STK3: variants seen among roughly 807,000 people sequenced by gnomAD.
STK3 encodes the protein serine/threonine-protein kinase 3.
Under a neutral mutation model 58.0 loss-of-function variants are expected in STK3, and 41 were observed. The ratio of observed to expected loss-of-function variants is 0.71; its 90% CI spans 0.55 to 0.92. The LOEUF (loss-of-function observed/expected upper bound fraction) is 0.92, where lower values mean the gene tolerates loss of function less well. Among genes scored for constraint, STK3 ranks in the 40% least tolerant of loss-of-function variants. The pLI is 0.00. For synonymous variants in STK3, 170 were observed against 191.0 expected, an observed-to-expected ratio of 0.89 and a Z score of 0.91; for missense variants, 479 against 602.7, an observed-to-expected ratio of 0.79 and a Z score of 2.15.
At chr8:98,614,763 C>T (rs1040663034) in intron 6 of STK3, among the ~76,000 whole-genome samples, 3 of 152,194 alleles carry the variant, frequency 2.0e-5, no homozygotes, top group Non-Finnish European at 2.9e-5. Flanking sequence ...GCTTAAAAAA[C>T]GGCGCACCAC....
intron 3 of STK3, among the ~76,000 whole-genome samples, chr8:98,840,804 G>A (rs560174011): frequency 6.6e-6 from 1 of 151,940 alleles, no homozygotes; most frequent in African/African-American, 2.4e-5. Flanking sequence ...GGACCCTTCA[G>A]TTCAGGGCCT....
chr8:98,419,159 G>A (rs1297421004), intron 3 of STK3, among the ~76,000 whole-genome samples: 2 of 152,138 alleles, frequency 1.3e-5, no homozygotes, highest in African/African-American at 2.4e-5. Flanking sequence ...CCAGGAGTTC[G>A]AGACCAGCCT....
At chr8:98,492,089 G>A (rs905297344) in intron 10 of STK3, among the ~76,000 whole-genome samples, 7 of 152,164 alleles carry the variant, frequency 4.6e-5, no homozygotes, top group African/African-American at 1.7e-4. Context: ...GGTGAAATCA[G>A]TACATCATTC....
At chr8:98,745,729 G>A (rs542430263) in intron 4 of STK3, among the ~76,000 whole-genome samples, 6 of 151,964 alleles carry the variant, frequency 3.9e-5, no homozygotes, top group Admixed American at 6.6e-5. Context: ...AAAACCTACC[G>A]AGAAACTGAG....
intron 1 of STK3, among the ~76,000 whole-genome samples, chr8:98,439,683 A>G (rs1818621938): frequency 6.6e-6 from 1 of 152,222 alleles, no homozygotes; most frequent in Non-Finnish European, 1.5e-5. Flanking sequence ...GTATTACTTT[A>G]TACTAGTTAG....
chr8:98,659,862 T>TA (rs1416607615), intron 6 of STK3, among the ~76,000 whole-genome samples: 1 of 151,184 alleles, frequency 6.6e-6, no homozygotes, highest in Admixed American at 6.6e-5. Context: ...GGAAGTAGCT[T>TA]AAAAAAACAA....
chr8:98,731,461 T>G (rs906401210), intron 4 of STK3, among the ~76,000 whole-genome samples: 1 of 152,172 alleles, frequency 6.6e-6, no homozygotes, highest in African/African-American at 2.4e-5. Context: ...GGCTCACGCC[T>G]GCAATCCTAG....
At position 98,500,268 on chromosome 8, in the gene STK3, T is replaced by C. The variant is rs563224455; in HGVS notation, c.1317+26474A>G. ...AAAAAGAAGGCTGGTGTGGTGGCTT[T>C]TACCTGTAATCCCAGCACTTTGGGA... On this transcript the variant is annotated intron_variant, in intron 10 of 10. Coordinates refer to ENST00000419617, the MANE Select transcript of STK3 (RefSeq NM_006281.4). Among the ~76,000 whole-genome samples the C allele has an allele frequency of 4.6e-5, 7 of 152,220 alleles. No homozygotes were observed. The South Asian group carries it at 1.5e-3, about 32-fold the overall frequency.
At chr8:98,884,839 G>A (rs1837920606) in intron 1 of STK3, among the ~76,000 whole-genome samples, 2 of 152,262 alleles carry the variant, frequency 1.3e-5, no homozygotes, top group South Asian at 4.2e-4. Flanking sequence ...ACCTAAAATA[G>A]TGTTTAGCAC....
intron 10 of STK3, among the ~76,000 whole-genome samples, chr8:98,487,175 A>C (rs774568749): frequency 1.3e-5 from 2 of 152,234 alleles, no homozygotes; most frequent in South Asian, 4.1e-4. Context: ...TCTGAGTCTC[A>C]TAAGTTCACT....
chr8:98,364,452 T>C, the STK3 span, among the ~76,000 whole-genome samples: 1 of 152,196 alleles, frequency 6.6e-6, no homozygotes, highest in African/African-American at 2.4e-5. Flanking sequence ...TGCCAGTCTG[T>C]TTCCCCGGAG....
At chr8:98,809,427 G>A (rs1049702429) in intron 1 of STK3, among the ~76,000 whole-genome samples, 1 of 152,198 alleles carries the variant, frequency 6.6e-6, no homozygotes, top group African/African-American at 2.4e-5. Context: ...TGTATTTGGT[G>A]TCAGAAGTCT....
At chr8:98,696,525 C>T (rs1234154594) in intron 6 of STK3, among the ~76,000 whole-genome samples, 10 of 152,076 alleles carry the variant, frequency 6.6e-5, no homozygotes, top group Middle Eastern at 3.4e-3. Flanking sequence ...TTTTGAGATA[C>T]GTCCCATCAA....
chr8:98,852,232 G>C (rs558926800), intron 3 of STK3, among the ~76,000 whole-genome samples: 1 of 151,924 alleles, frequency 6.6e-6, no homozygotes, highest in East Asian at 1.9e-4. Context: ...CCGCCTCCCA[G>C]GTTCAAGCAA....
At chr8:98,905,001 T>TAGTA (rs1377097102) in intron 1 of STK3, 19 of 768,288 alleles carry the variant, frequency 2.5e-5, no homozygotes, top group Non-Finnish European at 3.6e-5. Flanking sequence ...GTATCGCTTA[T>TAGTA]AGTAGTGGAG....
chr8:98,458,756 A>C (rs1431889170), intron 10 of STK3, among the ~76,000 whole-genome samples: 1 of 151,968 alleles, frequency 6.6e-6, no homozygotes, highest in Non-Finnish European at 1.5e-5. Flanking sequence ...TCCTTCTTCA[A>C]TCTCACTCTG....
intron 10 of STK3, 183 bp downstream of exon 10, chr8:98,526,559 T>C: frequency 2.3e-6 from 1 of 428,484 alleles, no homozygotes; most frequent in Non-Finnish European, 3.8e-6. Context: ...AGTACATTTC[T>C]ATAAGCAAGC....
At chr8:98,409,146 A>G (rs1162966550) in intron 3 of STK3, among the ~76,000 whole-genome samples, 1 of 152,172 alleles carries the variant, frequency 6.6e-6, no homozygotes, top group Non-Finnish European at 1.5e-5. Context: ...TTCACTGCTG[A>G]TGATGCCCCT....
chr8:98,591,526 C>G (rs887161746), intron 7 of STK3, among the ~76,000 whole-genome samples: 2 of 152,184 alleles, frequency 1.3e-5, no homozygotes, highest in African/African-American at 4.8e-5. Flanking sequence ...AACTTCTCTT[C>G]TGACTCAAGA....
Sources: gnomAD v4.1 joint callset for allele counts (sites outside exome capture counted in the v4.1 genomes callset) on GRCh38, gnomAD v4.1.1 for gene constraint, MANE v1.5 for transcripts, NCBI Gene and HGNC (gene_info 2026-07-23, HGNC 2026-07-21) for gene names.